FMNL2: variants seen among roughly 807,000 people sequenced by gnomAD.
The protein encoded by FMNL2 is formin like 2.
Under a neutral mutation model 130.2 loss-of-function variants are expected in FMNL2, and 51 were observed. The observed-to-expected ratio is 0.39, with a 90% CI of 0.31 to 0.49. The LOEUF is 0.49. Among genes scored for constraint, FMNL2 ranks in the 20% least tolerant of loss-of-function variants. The pLI is 0.85. For missense variants in FMNL2, 977 were observed against 1,316.2 expected (o/e 0.74, Z 3.99); for synonymous variants, 465 against 467.1 (o/e 1.00, Z 0.06).
intron 1 of FMNL2, among the ~76,000 whole-genome samples, chr2:152,382,508 T>C (rs760115542): frequency 4.6e-5 from 7 of 152,180 alleles, no homozygotes; most frequent in Non-Finnish European, 7.3e-5. Context: ...AGGGTCCACT[T>C]GCCTCCACAA....
intron 2 of FMNL2, among the ~76,000 whole-genome samples, chr2:152,535,462 C>A (rs114932016): frequency 1.1e-3 from 170 of 152,286 alleles, no homozygotes; most frequent in African/African-American, 3.8e-3. Flanking sequence ...TTATCATATT[C>A]TACTTTGTAT....
At chr2:152,377,008 C>G (rs996173514) in intron 1 of FMNL2, among the ~76,000 whole-genome samples, 1 of 152,312 alleles carries the variant, frequency 6.6e-6, no homozygotes. Flanking sequence ...AAACAACCTG[C>G]TTTGTGGAGT....
chr2:152,502,413 G>A (rs766794604), intron 1 of FMNL2, among the ~76,000 whole-genome samples: 2 of 152,164 alleles, frequency 1.3e-5, no homozygotes, highest in South Asian at 2.1e-4. Context: ...TGGGCCGGGC[G>A]TGGTGGCTCA....
At chr2:152,542,520 G>T (rs533853446) in intron 2 of FMNL2, among the ~76,000 whole-genome samples, 118 of 152,332 alleles carry the variant, frequency 7.7e-4, no homozygotes, top group Non-Finnish European at 1.4e-3. Context: ...TGTCATCAAA[G>T]AGAGTTCTGC....
Position 152,626,601 on chromosome 2 carries a change from A to G in FMNL2, c.2039A>G (p.Lys680Arg). Residue 680 changes from lysine (K) to arginine (R), a missense_variant, in exon 17 of 26, where the codon AAA becomes AGA. Around this residue, in one of 4 missense-constraint regions of FMNL2, gnomAD observed 689 missense variants for 995.9 expected, o/e 0.69. Coordinates refer to ENST00000288670, the MANE Select transcript of FMNL2 (RefSeq NM_052905.4). ...QGPAIDLSSS[K>R]QKIPQKGSNK... ...CCTGCCATTGATCTTTCTTCAAGCA[A>G]ACAGAAGATACCACAGAAGGGATCA... The G allele has an allele frequency of 6.2e-7, 1 of 1,612,956 alleles. No individual in the cohort carries two copies. Among genetic ancestry groups the G allele is most frequent in the Non-Finnish European group, 8.5e-7 (1 of 1,179,458 alleles).
chr2:152,581,119 T>G, intron 9 of FMNL2, 70 bp downstream of exon 9: 2 of 1,392,980 alleles, frequency 1.4e-6, no homozygotes, highest in Admixed American at 3.6e-5. Flanking sequence ...AACGGAATTA[T>G]TTACCTTTTC....
chr2:152,556,293 G>A (rs1695198287), intron 4 of FMNL2, among the ~76,000 whole-genome samples: 1 of 152,146 alleles, frequency 6.6e-6, no homozygotes, highest in Admixed American at 6.5e-5. Context: ...AGCTGGGGGT[G>A]TCAGGACTAG....
At chr2:152,438,452 A>T (rs918938279) in intron 1 of FMNL2, among the ~76,000 whole-genome samples, 2 of 152,234 alleles carry the variant, frequency 1.3e-5, no homozygotes, top group Non-Finnish European at 2.9e-5. Context: ...GAGAAAGTAG[A>T]TATTGAAGCT....
intron 9 of FMNL2, among the ~76,000 whole-genome samples, chr2:152,593,902 T>TGTGA (rs1296082394): frequency 2.1e-3 from 175 of 81,602 alleles, no homozygotes; most frequent in Middle Eastern, 7.4e-3. Context: ...TGTGTGTGTG[T>TGTGA]GAGAGAGAGA....
intron 1 of FMNL2, among the ~76,000 whole-genome samples, chr2:152,382,746 C>T (rs1684548980): frequency 6.6e-6 from 1 of 152,086 alleles, no homozygotes; most frequent in Non-Finnish European, 1.5e-5. Context: ...ATAAAAAAAT[C>T]ACATACACCT....
intron 1 of FMNL2, among the ~76,000 whole-genome samples, chr2:152,373,481 G>C (rs971881794): frequency 6.6e-6 from 1 of 152,110 alleles, no homozygotes; most frequent in Non-Finnish European, 1.5e-5. Flanking sequence ...GGGTTCTGGG[G>C]GATTGGTCTC....
intron 1 of FMNL2, among the ~76,000 whole-genome samples, chr2:152,418,425 T>C (rs1393881279): frequency 6.6e-6 from 1 of 152,162 alleles, no homozygotes; most frequent in Non-Finnish European, 1.5e-5. Context: ...GTTCCCAAAC[T>C]GAAACTCTCT....
chr2:152,570,584 A>G (rs1411847074), intron 6 of FMNL2, among the ~76,000 whole-genome samples: 1 of 152,154 alleles, frequency 6.6e-6, no homozygotes, highest in Non-Finnish European at 1.5e-5. Flanking sequence ...GCATTTAGAT[A>G]ATCAGCCTCA....
intron 1 of FMNL2, among the ~76,000 whole-genome samples, chr2:152,502,874 AG>A (rs1243316925): frequency 6.6e-6 from 1 of 152,070 alleles, no homozygotes; most frequent in African/African-American, 2.4e-5. Context: ...TATTGAGAGA[AG>A]GGGGTAAGGA....
At chr2:152,562,454 C>T (rs1288981121) in intron 6 of FMNL2, among the ~76,000 whole-genome samples, 3 of 152,162 alleles carry the variant, frequency 2.0e-5, no homozygotes, top group African/African-American at 7.2e-5. Context: ...CCTCTTGTCC[C>T]TTTGACTTGG....
At chr2:152,386,095 G>A (rs557981171) in intron 1 of FMNL2, among the ~76,000 whole-genome samples, 1 of 152,186 alleles carries the variant, frequency 6.6e-6, no homozygotes, top group Non-Finnish European at 1.5e-5. Flanking sequence ...CATAGTTGGT[G>A]ACAATAGAAG....
chr2:152,465,228 A>G (rs1689463770), intron 1 of FMNL2, among the ~76,000 whole-genome samples: 1 of 152,242 alleles, frequency 6.6e-6, no homozygotes, highest in South Asian at 2.1e-4. Context: ...GCAGGCAAGA[A>G]CACCCTGTGC....
chr2:152,409,531 G>C (rs925142912), intron 1 of FMNL2, among the ~76,000 whole-genome samples: 7 of 152,176 alleles, frequency 4.6e-5, no homozygotes, highest in Non-Finnish European at 1.0e-4. Flanking sequence ...CATGGAGAAG[G>C]CATGGTGAAG....
At chr2:152,559,763 C>G (rs534878604) in intron 5 of FMNL2, among the ~76,000 whole-genome samples, 2 of 152,158 alleles carry the variant, frequency 1.3e-5, no homozygotes, top group Admixed American at 1.3e-4. Context: ...GTCTTACCTT[C>G]TCTCATCTCA....
Sources: allele counts gnomAD v4.1 joint callset (sites outside exome capture counted in the v4.1 genomes callset), GRCh38; gene constraint gnomAD v4.1.1; regional missense constraint gnomAD v4.1.1; transcripts MANE v1.5; gene names NCBI Gene and HGNC (gene_info 2026-07-23, HGNC 2026-07-21).